Variants in GRIK3 observed in about 807,000 individuals in gnomAD.
GRIK3 encodes glutamate receptor ionotropic, kainate 3.
In GRIK3, 29 loss-of-function variants were observed where a neutral mutation model predicts 102.5. The observed-to-expected ratio is 0.28, with a 90% confidence interval of 0.21 to 0.39. The LOEUF (loss-of-function observed/expected upper bound fraction) is 0.39. GRIK3 is among the 10% of genes least tolerant of loss of function. The pLI, the probability that GRIK3 is intolerant of heterozygous loss-of-function variation, is 1.00. For synonymous variants in GRIK3, 511 were observed against 504.9 expected, an observed-to-expected ratio of 1.01 and a Z score of -0.16; for missense variants, 908 against 1,252.4, an observed-to-expected ratio of 0.73 and a Z score of 4.15.
intron 1 of GRIK3, among the ~76,000 whole-genome samples, chr1:37,001,458 T>C (rs1642475285): frequency 6.6e-6 from 1 of 152,228 alleles, no homozygotes; most frequent in Non-Finnish European, 1.5e-5. Context: ...GTACCAGTCC[T>C]GGCCTTCCCC....
chr1:36,850,778 CAG>C lies in GRIK3; in HGVS notation c.1213-356_1213-355del, dbSNP rs1484665644. Among the ~76,000 whole-genome samples the C allele has an allele frequency of 1.3e-5, 2 of 152,194 alleles. No individual in the cohort carries two copies. Among genetic ancestry groups the C allele is most frequent in the African/African-American group, 4.8e-5 (2 of 41,458 alleles). ...ATGCCAATCAGGGGCTGGAGGGAAT[CAG>C]GGGTCTATGGTCAGTGCCAGGTCTT... is the stretch of plus-strand genomic sequence containing the variant. On this transcript the variant is annotated intron_variant, in intron 8 of 15. Transcript: ENST00000373091. The surrounding 1 kb of genome is among the most constrained non-coding windows in gnomAD (Gnocchi z 4.0).
intron 13 of GRIK3, among the ~76,000 whole-genome samples, chr1:36,814,733 T>C (rs1168854018): frequency 6.6e-6 from 1 of 151,908 alleles, no homozygotes; most frequent in African/African-American, 2.4e-5. Context: ...CACAGGCCAT[T>C]ACACACACAC....
intron 13 of GRIK3, among the ~76,000 whole-genome samples, chr1:36,811,201 G>T (rs958836227): frequency 6.6e-6 from 1 of 152,134 alleles, no homozygotes; most frequent in East Asian, 1.9e-4. Context: ...TCCCTTTAAG[G>T]CTCCTTAATT....
chr1:36,853,572 C>T (rs1338337951), intron 8 of GRIK3, 43 bp downstream of exon 8: 2 of 1,281,216 alleles, frequency 1.6e-6, no homozygotes, highest in South Asian at 1.2e-5. Context: ...ATTTAAGAAG[C>T]CCCTGCTCCT....
At chr1:36,932,116 G>C (rs1163799742) in intron 1 of GRIK3, among the ~76,000 whole-genome samples, 1 of 152,060 alleles carries the variant, frequency 6.6e-6, no homozygotes, top group African/African-American at 2.4e-5. Flanking sequence ...CAGATCTGCT[G>C]GCCTCTCCGC....
intron 5 of GRIK3, among the ~76,000 whole-genome samples, chr1:36,865,247 C>A (rs998474528): frequency 3.9e-5 from 6 of 152,106 alleles, no homozygotes; most frequent in Non-Finnish European, 7.3e-5. Flanking sequence ...CTGATTAATG[C>A]GAGGTTATCT....
At chr1:36,929,765 A>G (rs1006100087) in intron 1 of GRIK3, among the ~76,000 whole-genome samples, 1 of 152,254 alleles carries the variant, frequency 6.6e-6, no homozygotes, top group Non-Finnish European at 1.5e-5. Flanking sequence ...GTGACCTAAA[A>G]CAACAATAAA....
At chr1:36,859,516 C>T (rs1640696337) in intron 6 of GRIK3, among the ~76,000 whole-genome samples, 1 of 150,286 alleles carries the variant, frequency 6.7e-6, no homozygotes, top group African/African-American at 2.5e-5. Context: ...CTACCTAGGC[C>T]CTGACCACAC....
intron 9 of GRIK3, among the ~76,000 whole-genome samples, chr1:36,849,477 A>G (rs1163282820): frequency 6.6e-6 from 1 of 152,228 alleles, no homozygotes; most frequent in Non-Finnish European, 1.5e-5. Context: ...TAGAGCTAGC[A>G]TTGTCCTCAA....
intron 9 of GRIK3, among the ~76,000 whole-genome samples, chr1:36,847,175 C>A (rs555552730): frequency 6.6e-6 from 1 of 152,358 alleles, no homozygotes; most frequent in African/African-American, 2.4e-5. Flanking sequence ...GCTTCAGGAG[C>A]TGAGACCGTG....
intron 13 of GRIK3, among the ~76,000 whole-genome samples, chr1:36,815,458 C>G (rs530817): frequency 0.2 from 30,496 of 152,158 alleles, 3,818 homozygotes; most frequent in African/African-American, 0.36. Context: ...GAGGAGGCAG[C>G]GGCTGGGAGA....
intron 10 of GRIK3, among the ~76,000 whole-genome samples, chr1:36,838,238 G>A (rs1244232573): frequency 6.6e-6 from 1 of 152,202 alleles, no homozygotes; most frequent in African/African-American, 2.4e-5. Context: ...ACATGGAAAT[G>A]GAGGCCGGAG....
At chr1:36,982,026 A>G (rs1642255296) in intron 1 of GRIK3, among the ~76,000 whole-genome samples, 1 of 152,142 alleles carries the variant, frequency 6.6e-6, no homozygotes, top group African/African-American at 2.4e-5. Context: ...AGTCCTCCCC[A>G]GGCACCCAGC....
rs72911565 is a variant in GRIK3 at position 36,808,503 on chromosome 1, G to A, written c.2092-2177C>T. Reference sequence around the variant, plus strand: ...GCTGTCATGTTGTGAGTTGCCCTATGGAGAGGTTCCCAGGGCAAGAAACAG... The same window carrying A: ...GCTGTCATGTTGTGAGTTGCCCTATAGAGAGGTTCCCAGGGCAAGAAACAG... On this transcript the variant is annotated intron_variant, in intron 13 of 15. Transcript: ENST00000373091. Among the ~76,000 whole-genome samples, 648 of 152,340 alleles carry A rather than the reference G, an allele frequency of 4.3e-3. 4 individuals carry two copies. Among genetic ancestry groups the A allele is most frequent in the African/African-American group, 0.015 (616 of 41,580 alleles).
chr1:36,880,916 A>T lies in GRIK3; in HGVS notation c.293-25T>A. The T allele has an allele frequency of 6.3e-7, 1 of 1,579,672 alleles. No homozygotes were observed. The highest frequency in any genetic ancestry group is 1.1e-5 in the South Asian group (1 of 88,048). ...GCTGCAACAGAGGGTAGGGCAGCAC[A>T]GGGGTCAGCACTGGGGCTGTGGGTA... On this transcript the variant is annotated intron_variant, in intron 2 of 15. Coordinates refer to ENST00000373091, the MANE Select transcript of GRIK3 (RefSeq NM_000831.4). This position sits in a 1 kb window ranked among gnomAD's most constrained non-coding sequence, Gnocchi z 5.4.
At chr1:36,949,512 T>C (rs1448577633) in intron 1 of GRIK3, among the ~76,000 whole-genome samples, 1 of 151,888 alleles carries the variant, frequency 6.6e-6, no homozygotes, top group Non-Finnish European at 1.5e-5. Context: ...TTTATTGTGC[T>C]CTTATTGTGT....
intron 10 of GRIK3, among the ~76,000 whole-genome samples, chr1:36,832,910 G>T (rs1640326475): frequency 6.6e-6 from 1 of 152,166 alleles, no homozygotes; most frequent in Non-Finnish European, 1.5e-5. Flanking sequence ...GGGCCCCCCT[G>T]CCCCCAAGGC....
At chr1:36,970,977 T>C (rs1642134123) in intron 1 of GRIK3, among the ~76,000 whole-genome samples, 1 of 152,176 alleles carries the variant, frequency 6.6e-6, no homozygotes, top group African/African-American at 2.4e-5. Context: ...CAAGCCCTTG[T>C]TGGGGAGCCA....
intron 1 of GRIK3, among the ~76,000 whole-genome samples, chr1:36,896,962 A>G (rs541994714): frequency 6.6e-6 from 1 of 152,348 alleles, no homozygotes; most frequent in South Asian, 2.1e-4. Context: ...TCATGATAAA[A>G]GACACTCAAC....
Sources: gnomAD v4.1 joint callset for allele counts (sites outside exome capture counted in the v4.1 genomes callset) on GRCh38, gnomAD v4.1.1 for gene constraint, Gnocchi (gnomAD v3.1) non-coding constraint, MANE v1.5 for transcripts, NCBI Gene and HGNC (gene_info 2026-07-23, HGNC 2026-07-21) for gene names.